STIM2: variants seen among roughly 807,000 people sequenced by gnomAD.
STIM2 encodes stromal interaction molecule 2.
A neutral mutation model predicts 85.8 loss-of-function variants in STIM2; 31 were observed. That is an observed-to-expected ratio of 0.36 (90% CI 0.27 to 0.49). The LOEUF is 0.49. Ranked by LOEUF, STIM2 falls within the 20% of genes least tolerant of loss-of-function variation. The probability of loss-of-function intolerance (pLI) is 0.98; values close to 1 mark genes in which losing one functional copy is unlikely to be tolerated. For synonymous variants in STIM2, 356 were observed against 331.1 expected (o/e 1.08, Z -0.82); for missense variants, 841 against 927.6 (o/e 0.91, Z 1.21).
chr4:26,860,923 CCTT>C lies in STIM2; in HGVS notation c.-295_-293del. The stretch of plus-strand genomic sequence containing the variant: ...AGACGCCGTACCTTTCTACCCCCCA[CCTT>C]TTTTTTTTTTTTTTTTAAATAACCG... On this transcript the variant is annotated 5_prime_UTR_variant, in exon 1 of 12. Coordinates refer to ENST00000467087, the MANE Select transcript of STIM2 (RefSeq NM_020860.4). 1 of 852,106 alleles carries C rather than the reference CCTT, an allele frequency of 1.2e-6. No homozygotes were observed. The highest frequency in any genetic ancestry group is 1.5e-6 in the Non-Finnish European group (1 of 686,202). 52.8% of individuals were successfully genotyped at this position (852,106 alleles called of 1,614,324 possible). A position where few individuals can be genotyped will look rare whatever the true frequency, so the allele number is the denominator to read the frequency against.
At position 26,970,437 on chromosome 4, in the gene STIM2, C is replaced by A. The variant is rs199700202; in HGVS notation, c.397+12711C>A. On this transcript the variant is annotated intron_variant, in intron 3 of 11. Transcript: ENST00000467087. ...AGGCCCCTGTGTGTGATGTTCCCTG[C>A]CCTGTGTCCAAGTGATCTCATTGTT... Among the ~76,000 whole-genome samples the A allele has an allele frequency of 4.6e-5, 7 of 151,520 alleles. No homozygotes were observed. In the East Asian group the frequency reaches 1.4e-3, roughly 29 times the overall value.
chr4:26,908,069 A>T (rs1724195278), intron 1 of STIM2, among the ~76,000 whole-genome samples: 1 of 152,196 alleles, frequency 6.6e-6, no homozygotes, highest in Non-Finnish European at 1.5e-5. Flanking sequence ...GAACTTTCTA[A>T]GATAATTGTT....
intron 1 of STIM2, among the ~76,000 whole-genome samples, chr4:26,895,112 T>C (rs1723651351): frequency 6.6e-6 from 1 of 152,064 alleles, no homozygotes; most frequent in South Asian, 2.1e-4. Flanking sequence ...TCCAGGAGGG[T>C]GAGTTAGGAG....
intron 3 of STIM2, among the ~76,000 whole-genome samples, chr4:26,963,608 A>C (rs1227727147): frequency 6.6e-6 from 1 of 152,238 alleles, no homozygotes; most frequent in Non-Finnish European, 1.5e-5. Flanking sequence ...AGTGTTTTGC[A>C]TGTATGCAGA....
At chr4:26,914,846 T>C (rs1724473898) in intron 1 of STIM2, among the ~76,000 whole-genome samples, 2 of 152,202 alleles carry the variant, frequency 1.3e-5, no homozygotes, top group Admixed American at 6.5e-5. Context: ...AGTATAGATA[T>C]GTATTCTAGA....
chr4:26,935,619 A>G (rs1156353710), intron 2 of STIM2, among the ~76,000 whole-genome samples: 1 of 152,228 alleles, frequency 6.6e-6, no homozygotes, highest in African/African-American at 2.4e-5. Flanking sequence ...CTGAATCAGC[A>G]GCTTGGGGAT....
chr4:27,003,244 G>A, intron 7 of STIM2, 140 bp downstream of exon 7: 1 of 763,190 alleles, frequency 1.3e-6, no homozygotes, highest in Non-Finnish European at 1.9e-6. Context: ...TGTTTATGTT[G>A]TTAGCATTGA....
chr4:26,908,375 T>C (rs1478238995), intron 1 of STIM2, among the ~76,000 whole-genome samples: 1 of 152,218 alleles, frequency 6.6e-6, no homozygotes, highest in Admixed American at 6.5e-5. Context: ...CTTGGGCAAA[T>C]TGCTTTTCCT....
intron 1 of STIM2, among the ~76,000 whole-genome samples, chr4:26,899,181 T>A (rs1697376738): frequency 6.6e-6 from 1 of 152,116 alleles, no homozygotes; most frequent in East Asian, 1.9e-4. Flanking sequence ...TTTACGTCTA[T>A]TCCCATGATT....
intron 4 of STIM2, among the ~76,000 whole-genome samples, chr4:26,998,634 T>TTA (rs1728041581): frequency 6.6e-6 from 1 of 152,160 alleles, no homozygotes; most frequent in Non-Finnish European, 1.5e-5. Context: ...AACTTTAGGC[T>TTA]GGGAGCGGTG....
chr4:26,869,236 C>G (rs1226302271), intron 1 of STIM2, among the ~76,000 whole-genome samples: 2 of 147,252 alleles, frequency 1.4e-5, no homozygotes, highest in African/African-American at 2.5e-5. Flanking sequence ...GAAGTTAAGT[C>G]TGCAGCAAGC....
At chr4:26,901,282 A>G (rs1301955378) in intron 1 of STIM2, among the ~76,000 whole-genome samples, 5 of 152,186 alleles carry the variant, frequency 3.3e-5, no homozygotes, top group African/African-American at 9.7e-5. Flanking sequence ...ATCAAATGCT[A>G]AATTTGTCAA....
chr4:26,872,078 A>G (rs10006403), intron 1 of STIM2, among the ~76,000 whole-genome samples: 75,683 of 152,068 alleles, frequency 0.5, 18,889 homozygotes, highest in East Asian at 0.63. Context: ...TGACTTAACC[A>G]TTATTCTTTT....
intron 1 of STIM2, among the ~76,000 whole-genome samples, chr4:26,880,395 T>C (rs1318245818): frequency 6.6e-6 from 1 of 152,004 alleles, no homozygotes; most frequent in Non-Finnish European, 1.5e-5. Context: ...ATTTTGTTAA[T>C]TTCCTTTATA....
At chr4:26,939,258 C>T (rs758877537) in intron 2 of STIM2, among the ~76,000 whole-genome samples, 12 of 152,122 alleles carry the variant, frequency 7.9e-5, no homozygotes, top group Non-Finnish European at 1.5e-4. Context: ...AAGGACTCTA[C>T]CAAGAGTTAT....
At chr4:26,938,015 AAATAGCTTAATAATTTAAAT>A (rs1417493115) in intron 2 of STIM2, among the ~76,000 whole-genome samples, 2 of 141,110 alleles carry the variant, frequency 1.4e-5, no homozygotes, top group African/African-American at 6.1e-5. Flanking sequence ...AAATAAATTT[AAATAGCTTAATAATTTAAAT>A]AGCTTAAATT....
intron 1 of STIM2, among the ~76,000 whole-genome samples, chr4:26,878,568 C>A (rs1722893522): frequency 6.6e-6 from 1 of 152,076 alleles, no homozygotes; most frequent in African/African-American, 2.4e-5. Context: ...TCTGACTAAT[C>A]CTGATTTTTG....
intron 1 of STIM2, among the ~76,000 whole-genome samples, chr4:26,891,686 A>C (rs1723496830): frequency 6.6e-6 from 1 of 152,180 alleles, no homozygotes; most frequent in East Asian, 1.9e-4. Context: ...CAAATAAGGA[A>C]TATGTTGCCT....
chr4:27,003,561 C>G (rs993575316), intron 7 of STIM2, among the ~76,000 whole-genome samples: 4 of 152,018 alleles, frequency 2.6e-5, no homozygotes, highest in African/African-American at 9.7e-5. Flanking sequence ...TTCTCCTGTT[C>G]AGTTACTTAA....
Sources: gnomAD v4.1 joint callset for allele counts (sites outside exome capture counted in the v4.1 genomes callset) on GRCh38, gnomAD v4.1.1 for gene constraint, MANE v1.5 for transcripts, NCBI Gene and HGNC (gene_info 2026-07-23, HGNC 2026-07-21) for gene names.